PPP3R1: variants seen among roughly 807,000 people sequenced by gnomAD.
The protein encoded by PPP3R1 is protein phosphatase 3 regulatory subunit B, alpha.
In PPP3R1, 5 loss-of-function variants were observed where a neutral mutation model predicts 22.6. The ratio of observed to expected loss-of-function variants is 0.22; its 90% confidence interval spans 0.12 to 0.46. The LOEUF (loss-of-function observed/expected upper bound fraction) is 0.46. PPP3R1 is among the 20% of genes least tolerant of loss of function. PPP3R1 has a pLI of 0.99. For synonymous variants in PPP3R1, 56 were observed against 65.2 expected (o/e 0.86, Z 0.68); for missense variants, 61 against 203.2 (o/e 0.30, Z 4.25).
intron 2 of PPP3R1, among the ~76,000 whole-genome samples, chr2:68,198,476 T>C (rs1200729329): frequency 2.0e-5 from 3 of 149,468 alleles, no homozygotes; most frequent in South Asian, 2.1e-4. Flanking sequence ...TATATGCGTA[T>C]GTATATATAT....
At chr2:68,199,193 A>C (rs1265726411) in intron 2 of PPP3R1, among the ~76,000 whole-genome samples, 1 of 152,094 alleles carries the variant, frequency 6.6e-6, no homozygotes, top group Non-Finnish European at 1.5e-5. Context: ...TGATCTCCTG[A>C]CCTCGTGATC....
intron 1 of PPP3R1, among the ~76,000 whole-genome samples, chr2:68,229,704 A>G (rs920970613): frequency 6.6e-6 from 1 of 152,076 alleles, no homozygotes; most frequent in Non-Finnish European, 1.5e-5. Context: ...AAATATAACC[A>G]TACCTGCTTT....
At chr2:68,249,633 A>G (rs1558646825) in intron 1 of PPP3R1, among the ~76,000 whole-genome samples, 1 of 148,428 alleles carries the variant, frequency 6.7e-6, no homozygotes, top group African/African-American at 2.5e-5. Context: ...TATTTACAAG[A>G]TTTTTTTTTT....
rs942918626 is a variant in PPP3R1, at chr2:68,227,674, C to T, written c.4-10543G>A. On this transcript the variant is annotated intron_variant, in intron 1 of 5. Coordinates refer to ENST00000234310, the MANE Select transcript of PPP3R1 (RefSeq NM_000945.4). ...AATCCATCCAGCAAATGTTTGAAGG[C>T]ACATAATATGTTTAACTATTTTAAA... Among the ~76,000 whole-genome samples the T allele has an allele frequency of 2.1e-4, 32 of 152,032 alleles. No homozygotes were observed. The South Asian group carries it at 6.0e-3, about 29-fold the overall frequency.
intron 1 of PPP3R1, among the ~76,000 whole-genome samples, chr2:68,243,189 A>T (rs569839781): frequency 3.3e-5 from 5 of 152,340 alleles, no homozygotes; most frequent in African/African-American, 1.2e-4. Flanking sequence ...ATTAGTGCTA[A>T]ATTTCAAAAG....
intron 2 of PPP3R1, among the ~76,000 whole-genome samples, chr2:68,209,487 C>T (rs1253069991): frequency 6.6e-6 from 1 of 150,886 alleles, no homozygotes; most frequent in African/African-American, 2.4e-5. Flanking sequence ...GGTACAGTAG[C>T]TCATGCCTGT....
chr2:68,198,172 T>C (rs1238731759), intron 2 of PPP3R1, among the ~76,000 whole-genome samples: 3 of 139,710 alleles, frequency 2.1e-5, no homozygotes, highest in Non-Finnish European at 4.6e-5. Context: ...AATATATACA[T>C]ACATGTATAT....
At chr2:68,214,270 A>G (rs892000270) in intron 2 of PPP3R1, among the ~76,000 whole-genome samples, 7 of 152,202 alleles carry the variant, frequency 4.6e-5, no homozygotes, top group Non-Finnish European at 8.8e-5. Context: ...ATTGCAACAA[A>G]GACAAAAACT....
chr2:68,228,215 C>T (rs1325584971), intron 1 of PPP3R1, among the ~76,000 whole-genome samples: 2 of 152,052 alleles, frequency 1.3e-5, no homozygotes, highest in Admixed American at 6.6e-5. Flanking sequence ...AAATAGTGAA[C>T]CAGCCTTGCA....
intron 1 of PPP3R1, among the ~76,000 whole-genome samples, chr2:68,227,553 C>T (rs1822469): frequency 0.45 from 68,570 of 151,064 alleles, 15,806 homozygotes; most frequent in South Asian, 0.62. Context: ...TATGACAGAT[C>T]CAAGCTTCTT....
chr2:68,227,593 C>A (rs1361622094), intron 1 of PPP3R1, among the ~76,000 whole-genome samples: 3 of 150,612 alleles, frequency 2.0e-5, no homozygotes, highest in South Asian at 2.1e-4. Context: ...AAAAAAAAAA[C>A]CTTAAAATTT....
intron 1 of PPP3R1, among the ~76,000 whole-genome samples, chr2:68,249,882 T>A (rs1670309911): frequency 6.6e-6 from 1 of 152,196 alleles, no homozygotes; most frequent in Non-Finnish European, 1.5e-5. Context: ...GTTGACAGAA[T>A]GTAAATAATA....
intron 1 of PPP3R1, among the ~76,000 whole-genome samples, chr2:68,238,602 A>C (rs1451003908): frequency 6.6e-6 from 1 of 152,200 alleles, no homozygotes; most frequent in African/African-American, 2.4e-5. Flanking sequence ...GAAAGCATTG[A>C]CATAAGATTT....
At chr2:68,231,286 T>C (rs994615802) in intron 1 of PPP3R1, among the ~76,000 whole-genome samples, 2 of 152,060 alleles carry the variant, frequency 1.3e-5, no homozygotes, top group Admixed American at 6.6e-5. Flanking sequence ...GCTACTGTAT[T>C]GTTTATTATA....
chr2:68,208,927 AT>A (rs11322366), intron 2 of PPP3R1, among the ~76,000 whole-genome samples: 110,428 of 149,264 alleles, frequency 0.74, 41,869 homozygotes, highest in African/African-American at 0.93. Flanking sequence ...TAAAAAAAAA[AT>A]TTTTTTTTTT....
At chr2:68,219,729 G>A (rs947778282) in intron 1 of PPP3R1, among the ~76,000 whole-genome samples, 2 of 152,032 alleles carry the variant, frequency 1.3e-5, no homozygotes, top group Non-Finnish European at 2.9e-5. Context: ...TACCCAATAA[G>A]GTACTGACAT....
chr2:68,231,986 G>A (rs1014162248), intron 1 of PPP3R1, among the ~76,000 whole-genome samples: 1 of 151,024 alleles, frequency 6.6e-6, no homozygotes, highest in Admixed American at 6.6e-5. Flanking sequence ...TAGGCTGGGC[G>A]CCGTGGCTCA....
chr2:68,221,563 A>G lies in PPP3R1; in HGVS notation c.4-4432T>C, dbSNP rs139443290. Among the ~76,000 whole-genome samples the G allele has an allele frequency of 2.7e-3, 413 of 152,334 alleles. 2 individuals are homozygous for G. The highest frequency in any genetic ancestry group is 6.2e-3 in the African/African-American group (259 of 41,578). On this transcript the variant is annotated intron_variant, in intron 1 of 5. Transcript: ENST00000234310. ...AATGACTTTGTTATGTGAATTTCAC[A>G]TCAATAAAACGTTTTATATGCTGTT...
At chr2:68,190,875 G>C (rs1674652530) in intron 2 of PPP3R1, among the ~76,000 whole-genome samples, 1 of 152,170 alleles carries the variant, frequency 6.6e-6, no homozygotes, top group African/African-American at 2.4e-5. Context: ...CTTAAAAGAA[G>C]CACAAGTCCC....
Sources: gnomAD v4.1 joint callset for allele counts (sites outside exome capture counted in the v4.1 genomes callset) on GRCh38, gnomAD v4.1.1 for gene constraint, MANE v1.5 for transcripts, NCBI Gene and HGNC (gene_info 2026-07-23, HGNC 2026-07-21) for gene names.